GSE1: variants seen among roughly 807,000 people sequenced by gnomAD.
The protein encoded by GSE1 is Gse1 coiled-coil protein, also known as genetic suppressor element 1.
A neutral mutation model predicts 112.6 loss-of-function variants in GSE1; 32 were observed. The observed-to-expected ratio is 0.28, with a 90% CI of 0.21 to 0.38. The LOEUF is 0.38. Ranked by LOEUF, GSE1 falls within the 10% of genes least tolerant of loss-of-function variation. GSE1 has a pLI of 1.00. For missense variants in GSE1, 2,348 were observed against 1,699.2 expected (o/e 1.38, Z -6.71); for synonymous variants, 1,115 against 735.6 (o/e 1.52, Z -8.35).
rs370735140 is a variant in GSE1, at chr16:85,640,994, G to A, written c.226+6862G>A. On this transcript the variant is annotated intron_variant, in intron 2 of 15. Coordinates refer to ENST00000253458, the MANE Select transcript of GSE1 (RefSeq NM_014615.5). ...CACCACCTATCCCGACCCCTTCTCC[G>A]CATAGCACAGTGGGGAGCCCTGGGC... 7.4e-4 allele frequency among the ~76,000 whole-genome samples: 113 copies of A among 152,358 alleles called. 1 individual carries two copies. Among genetic ancestry groups the A allele is most frequent in the South Asian group, 6.8e-3 (33 of 4,830 alleles).
At chr16:85,633,725 G>A (rs536182480) in intron 1 of GSE1, among the ~76,000 whole-genome samples, 189 bp from the exon 2 acceptor site, 2 of 152,292 alleles carry the variant, frequency 1.3e-5, no homozygotes, top group African/African-American at 4.8e-5. Context: ...GGTTCCAGCT[G>A]GACTCTGGGG....
At chr16:85,471,749 G>T (rs1054712382) in intron 2 of GSE1, among the ~76,000 whole-genome samples, 32 of 151,928 alleles carry the variant, frequency 2.1e-4, no homozygotes, top group African/African-American at 7.5e-4. Flanking sequence ...TCGCTCTGTT[G>T]CCCAGGGTGG....
intron 1 of GSE1, among the ~76,000 whole-genome samples, chr16:85,576,005 G>T (rs1322098070): frequency 6.6e-6 from 1 of 151,932 alleles, no homozygotes; most frequent in African/African-American, 2.4e-5. Flanking sequence ...CAGTGACGGG[G>T]GAGTATTACC....
At chr16:85,632,398 G>A (rs2049614435) in intron 1 of GSE1, among the ~76,000 whole-genome samples, 1 of 151,942 alleles carries the variant, frequency 6.6e-6, no homozygotes, top group South Asian at 2.1e-4. Flanking sequence ...TTCCCTCAGT[G>A]CCCCCAAAGA....
intron 2 of GSE1, among the ~76,000 whole-genome samples, chr16:85,514,400 C>G (rs1001486529): frequency 6.8e-5 from 10 of 147,180 alleles, no homozygotes; most frequent in African/African-American, 1.8e-4. Flanking sequence ...TGAGTCCTGC[C>G]CCCAGGATGC....
chr16:85,541,003 G>C (rs143344815), intron 2 of GSE1, among the ~76,000 whole-genome samples: 1,669 of 152,246 alleles, frequency 0.011, 120 homozygotes, highest in Admixed American at 0.1. Flanking sequence ...AAGCAGGGTG[G>C]TGTGGCGGGG....
chr16:85,486,873 A>T (rs1283229060), intron 2 of GSE1, among the ~76,000 whole-genome samples: 2 of 152,074 alleles, frequency 1.3e-5, no homozygotes, highest in Non-Finnish European at 2.9e-5. Context: ...ATTTCTTGGG[A>T]TGAGTTTAGC....
rs992857789 is a variant in GSE1, at chr16:85,674,436, A to C, written c.*1897A>C. ...GGCTGTGCTGCAGGCCTCCCCTCGA[A>C]AGACACTGGGAGGTCAGCATGTTCC... On this transcript the variant is annotated 3_prime_UTR_variant, in exon 16 of 16. Transcript: ENST00000253458. 39 of 152,320 alleles carry C rather than the reference A, an allele frequency of 2.6e-4. No individual in the cohort carries two copies. The highest frequency in any genetic ancestry group is 9.1e-4 in the African/African-American group (38 of 41,536). 9.4% of individuals were successfully genotyped at this position (152,320 alleles called of 1,614,324 possible). A position where few individuals can be genotyped will look rare whatever the true frequency, so the allele number is the denominator to read the frequency against.
chr16:85,272,758 G>GCTTGCTTT (rs1908971730), intron 1 of GSE1, among the ~76,000 whole-genome samples: 1 of 149,954 alleles, frequency 6.7e-6, no homozygotes, highest in African/African-American at 2.5e-5. Context: ...TTGCTTGCTT[G>GCTTGCTTT]CTTGTTTTCT....
chr16:85,398,141 C>T (rs1207772250), intron 2 of GSE1, among the ~76,000 whole-genome samples: 2 of 152,316 alleles, frequency 1.3e-5, no homozygotes, highest in South Asian at 4.1e-4. Flanking sequence ...TGTTGTCTCT[C>T]AGTACCTCAG....
chr16:85,565,100 C>T (rs533090596), intron 1 of GSE1, among the ~76,000 whole-genome samples: 17 of 152,166 alleles, frequency 1.1e-4, no homozygotes, highest in South Asian at 8.3e-4. Flanking sequence ...TTCTTAAAAG[C>T]GACCAACTTG....
chr16:85,355,004 C>G (rs1397684711), intron 1 of GSE1, among the ~76,000 whole-genome samples: 1 of 152,208 alleles, frequency 6.6e-6, no homozygotes, highest in Non-Finnish European at 1.5e-5. Context: ...CCGCCGCCTC[C>G]TGGCTCCAGC....
At chr16:85,247,309 G>C (rs1452202986) in intron 1 of GSE1, among the ~76,000 whole-genome samples, 1 of 152,170 alleles carries the variant, frequency 6.6e-6, no homozygotes, top group East Asian at 1.9e-4. Flanking sequence ...GTGTTGTTTG[G>C]ACACATAATT....
At chr16:85,561,299 C>T (rs759760178) in intron 1 of GSE1, among the ~76,000 whole-genome samples, 7 of 152,132 alleles carry the variant, frequency 4.6e-5, no homozygotes, top group African/African-American at 1.7e-4. Flanking sequence ...GTCACATGTG[C>T]GCTAAATGGT....
intron 2 of GSE1, among the ~76,000 whole-genome samples, chr16:85,385,101 T>C (rs1567726451): frequency 6.6e-6 from 1 of 152,234 alleles, no homozygotes; most frequent in Non-Finnish European, 1.5e-5. Flanking sequence ...AGGAGACAAG[T>C]CTGTTCTCGC....
intron 11 of GSE1, 92 bp downstream of exon 11, chr16:85,663,706 A>G (rs1305076965): frequency 7.7e-7 from 1 of 1,294,558 alleles, no homozygotes; most frequent in Admixed American, 2.1e-5. Flanking sequence ...TCCAGGCAGG[A>G]TCTGCGATCA....
upstream of GSE1, among the ~76,000 whole-genome samples, chr16:85,554,318 C>T (rs1342590597): frequency 6.6e-6 from 1 of 151,994 alleles, no homozygotes; most frequent in African/African-American, 2.4e-5. Context: ...AGGGAGGCGG[C>T]GTGGGGAGGA....
Position 85,656,452 on chromosome 16 carries a change from AAGG to A in GSE1, c.1102_1104del (p.Glu368del), listed in dbSNP as rs1214337067. Reference sequence around the variant, plus strand: ...GAAGGAACGTGAGCGCGAACGCGAGAAGGAGCGCGAGCAAGAGAAGGAGCGTGA... The same window carrying A: ...GAAGGAACGTGAGCGCGAACGCGAGAAGCGCGAGCAAGAGAAGGAGCGTGA... On this transcript the variant is annotated inframe_deletion, in exon 7 of 16. Coordinates refer to ENST00000253458, the MANE Select transcript of GSE1 (RefSeq NM_014615.5). The A allele has an allele frequency of 6.5e-7, 1 of 1,549,394 alleles. No homozygotes were observed.
chr16:85,417,839 T>G (rs952105683), intron 2 of GSE1, among the ~76,000 whole-genome samples: 1 of 152,190 alleles, frequency 6.6e-6, no homozygotes, highest in Non-Finnish European at 1.5e-5. Flanking sequence ...AGGCTGCATT[T>G]CTTTTTTCTT....
Sources: allele counts gnomAD v4.1 joint callset (sites outside exome capture counted in the v4.1 genomes callset), GRCh38; gene constraint gnomAD v4.1.1; transcripts MANE v1.5; gene names NCBI Gene and HGNC (gene_info 2026-07-23, HGNC 2026-07-21).